The following CACNB4 variants were observed in gnomAD, a reference collection of about 807,000 sequenced individuals.
CACNB4 encodes calcium voltage-gated channel auxiliary subunit beta 4.
Under a neutral mutation model 71.2 loss-of-function variants are expected in CACNB4, and 32 were observed. The ratio of observed to expected loss-of-function variants is 0.45; its 90% CI spans 0.34 to 0.60. The LOEUF is 0.60. Ranked by LOEUF, CACNB4 falls within the 20% of genes least tolerant of loss-of-function variation. The pLI, the probability that CACNB4 is intolerant of heterozygous loss-of-function variation, is 0.01. For synonymous variants in CACNB4, 231 were observed against 236.9 expected (o/e 0.97, Z 0.23); for missense variants, 464 against 647.9 (o/e 0.72, Z 3.08).
chr2:151,874,993 A>G, intron 5 of CACNB4: 1 of 399,716 alleles, frequency 2.5e-6, no homozygotes, highest in Non-Finnish European at 4.4e-6. Flanking sequence ...AGGTACTATC[A>G]GTGCCGGGAC....
chr2:151,870,798 T>C (rs1362318825), intron 7 of CACNB4, 44 bp downstream of exon 7: 2 of 1,524,880 alleles, frequency 1.3e-6, no homozygotes, highest in Admixed American at 3.5e-5. Context: ...GGCATGTATA[T>C]ATAGGAACCT....
At chr2:151,883,477 G>T in intron 2 of CACNB4, 107 bp from the exon 3 acceptor site, 1 of 1,008,942 alleles carries the variant, frequency 9.9e-7, no homozygotes, top group Non-Finnish European at 1.5e-6. Flanking sequence ...AAAATTTGAT[G>T]CACACACTCC....
intron 2 of CACNB4, among the ~76,000 whole-genome samples, chr2:151,916,446 A>T (rs1305557856): frequency 6.7e-6 from 1 of 148,724 alleles, no homozygotes; most frequent in African/African-American, 2.5e-5. Flanking sequence ...CTTGAGGCAT[A>T]AAATTATTCA....
intron 10 of CACNB4, 164 bp downstream of exon 10, chr2:151,860,547 C>A: frequency 1.6e-6 from 1 of 640,962 alleles, no homozygotes; most frequent in Non-Finnish European, 2.8e-6. Context: ...CTCGCTACTG[C>A]AAGACTCTGC....
At chr2:152,059,774 G>A (rs760307394) in intron 2 of CACNB4, among the ~76,000 whole-genome samples, 3 of 152,154 alleles carry the variant, frequency 2.0e-5, no homozygotes, top group Non-Finnish European at 4.4e-5. Flanking sequence ...GAGAGGCCAG[G>A]GGCAGAATGA....
At chr2:152,008,398 T>C (rs773961751) in intron 2 of CACNB4, among the ~76,000 whole-genome samples, 3 of 151,880 alleles carry the variant, frequency 2.0e-5, no homozygotes, top group Non-Finnish European at 4.4e-5. Flanking sequence ...GTGATTCTCT[T>C]GCCTCAGCCT....
intron 2 of CACNB4, among the ~76,000 whole-genome samples, chr2:151,993,862 C>T (rs1036071823): frequency 9.3e-5 from 14 of 149,868 alleles, no homozygotes; most frequent in African/African-American, 2.9e-4. Context: ...TGTGCCCAGC[C>T]GGGGACCACT....
At chr2:151,869,390 T>C in intron 8 of CACNB4, 155 bp from the exon 9 acceptor site, 1 of 577,580 alleles carries the variant, frequency 1.7e-6, no homozygotes, top group South Asian at 2.4e-5. Context: ...AAGGTGTTTT[T>C]CATGCTTAAC....
intron 6 of CACNB4, 120 bp downstream of exon 6, chr2:151,872,297 A>G (rs1477432828): frequency 4.6e-6 from 3 of 648,890 alleles, no homozygotes; most frequent in Non-Finnish European, 8.2e-6. Flanking sequence ...AATATTAATT[A>G]GAGAATCTTT....
intron 2 of CACNB4, among the ~76,000 whole-genome samples, chr2:151,894,525 ACT>A (rs1249625950): frequency 2.0e-5 from 3 of 152,224 alleles, no homozygotes; most frequent in African/African-American, 7.2e-5. Flanking sequence ...CACTTTTGCT[ACT>A]GTTATTCAAC....
intron 2 of CACNB4, among the ~76,000 whole-genome samples, chr2:152,033,419 C>A (rs571381692): frequency 6.6e-6 from 1 of 152,330 alleles, no homozygotes; most frequent in East Asian, 1.9e-4. Flanking sequence ...TCAACTCCAG[C>A]AGCCACAGTT....
intron 2 of CACNB4, among the ~76,000 whole-genome samples, chr2:152,006,978 T>C (rs1682767613): frequency 6.6e-6 from 1 of 152,172 alleles, no homozygotes; most frequent in Non-Finnish European, 1.5e-5. Context: ...CCTTTCTCAG[T>C]TGTGTCATCT....
At chr2:151,924,793 G>C (rs182002342) in intron 2 of CACNB4, among the ~76,000 whole-genome samples, 93 of 152,248 alleles carry the variant, frequency 6.1e-4, no homozygotes, top group African/African-American at 2.1e-3. Context: ...TAACACATAT[G>C]ATATCTGTTT....
intron 2 of CACNB4, among the ~76,000 whole-genome samples, chr2:152,013,637 GC>G: frequency 6.6e-6 from 1 of 152,250 alleles, no homozygotes; most frequent in Admixed American, 6.5e-5. Flanking sequence ...CATGCCCCGT[GC>G]AAAGGACCCT....
rs571617129 is a variant in CACNB4 at position 151,864,989 on chromosome 2, T to C, written c.759-4169A>G. ...GAGAATCAGGTCAGATACACTGTAC[T>C]CAAAACCTACTAATTTAAATATTCA... On this transcript the variant is annotated intron_variant, in intron 9 of 13. Transcript: ENST00000539935. Among the ~76,000 whole-genome samples, 6 of 152,318 alleles carry C rather than the reference T, an allele frequency of 3.9e-5. No individual in the cohort carries two copies. The South Asian group carries it at 1.2e-3, about 32-fold the overall frequency.
At chr2:151,901,939 T>C (rs1163758690) in intron 2 of CACNB4, among the ~76,000 whole-genome samples, 1 of 152,216 alleles carries the variant, frequency 6.6e-6, no homozygotes, top group South Asian at 2.1e-4. Context: ...ATAAGTCTTT[T>C]TGAGTTATTG....
chr2:151,843,292 G>A (rs2099836702), intron 12 of CACNB4, among the ~76,000 whole-genome samples: 1 of 152,242 alleles, frequency 6.6e-6, no homozygotes. Context: ...CCACAGGTAA[G>A]TGTTAGCACA....
At chr2:151,974,815 C>CAAAAAA (rs35540920) in intron 2 of CACNB4, among the ~76,000 whole-genome samples, 2 of 138,012 alleles carry the variant, frequency 1.4e-5, no homozygotes, top group African/African-American at 2.9e-5. Flanking sequence ...TCTGGTCAAC[C>CAAAAAA]AAAAAAAAAA....
intron 2 of CACNB4, among the ~76,000 whole-genome samples, chr2:152,074,565 TCAC>T (rs1412430190): frequency 2.2e-5 from 3 of 137,328 alleles, no homozygotes; most frequent in Admixed American, 1.4e-4. Flanking sequence ...GTCACCACTG[TCAC>T]CACAGCATAA....
Sources: gnomAD v4.1 joint callset for allele counts (sites outside exome capture counted in the v4.1 genomes callset) on GRCh38, gnomAD v4.1.1 for gene constraint, MANE v1.5 for transcripts, NCBI Gene and HGNC (gene_info 2026-07-23, HGNC 2026-07-21) for gene names.